B3GALT1: variants seen among roughly 807,000 people sequenced by gnomAD.
B3GALT1 encodes the protein UDP-Gal:betaGlcNAc beta 1,3-galactosyltransferase, polypeptide 1.
In B3GALT1, 10 loss-of-function variants were observed where a neutral mutation model predicts 23.2. That is an observed-to-expected ratio of 0.43 (90% CI 0.27 to 0.73). B3GALT1 has a LOEUF of 0.73. Ranked by LOEUF, B3GALT1 falls within the 30% of genes least tolerant of loss-of-function variation. The probability of loss-of-function intolerance (pLI) is 0.21; values close to 1 mark genes in which losing one functional copy is unlikely to be tolerated. For missense variants in B3GALT1, 299 were observed against 405.4 expected (o/e 0.74, Z 2.25); for synonymous variants, 156 against 141.5 (o/e 1.10, Z -0.73).
intron 3 of B3GALT1, among the ~76,000 whole-genome samples, chr2:167,668,042 A>G (rs1344991588): frequency 2.0e-5 from 3 of 151,966 alleles, no homozygotes; most frequent in African/African-American, 4.8e-5. Context: ...TAGAGTTTCC[A>G]GTTTTTCTGC....
intron 2 of B3GALT1, among the ~76,000 whole-genome samples, chr2:167,615,655 TAAA>T (rs201476994): frequency 1.3e-4 from 20 of 151,094 alleles, no homozygotes; most frequent in East Asian, 9.7e-4. Context: ...AATTAAAAAA[TAAA>T]AAAAAATTGA....
At chr2:167,658,405 A>T (rs186015580) in intron 3 of B3GALT1, among the ~76,000 whole-genome samples, 2 of 152,212 alleles carry the variant, frequency 1.3e-5, no homozygotes, top group Admixed American at 1.3e-4. Flanking sequence ...TTAGAAAATT[A>T]AAAGAGATTG....
chr2:167,665,027 C>T (rs916483588), intron 3 of B3GALT1, among the ~76,000 whole-genome samples: 1 of 151,844 alleles, frequency 6.6e-6, no homozygotes, highest in African/African-American at 2.4e-5. Context: ...GAGAGGGCAT[C>T]CCTGTCTTGT....
intron 2 of B3GALT1, among the ~76,000 whole-genome samples, chr2:167,564,836 A>G (rs1157510086): frequency 6.6e-6 from 1 of 152,220 alleles, no homozygotes; most frequent in East Asian, 1.9e-4. Flanking sequence ...ACTACAGACC[A>G]CTGCTCAATG....
chr2:167,293,235 G>C lies in B3GALT1; in HGVS notation c.-610G>C, dbSNP rs1301557069. The C allele has an allele frequency of 1.3e-5, 2 of 152,128 alleles. No individual in the cohort carries two copies. The highest frequency in any genetic ancestry group is 2.9e-5 in the Non-Finnish European group (2 of 68,020). The allele number at this position is 152,128 out of a possible 1,614,324, so 9.4% of individuals were successfully genotyped here. A position where few individuals can be genotyped will look rare whatever the true frequency, so the allele number is the denominator to read the frequency against. ...AGAAGTGATGCTGGCGCCGGGGATCGGGGCAGCGGCAGCGGAGCAGCAGCA... is the reference window on the plus strand; with the variant it reads ...AGAAGTGATGCTGGCGCCGGGGATCCGGGCAGCGGCAGCGGAGCAGCAGCA... On this transcript the variant is annotated 5_prime_UTR_variant, in exon 1 of 5. Transcript: ENST00000392690.
At chr2:167,635,637 A>G (rs113464883) in intron 2 of B3GALT1, among the ~76,000 whole-genome samples, 3 of 142,988 alleles carry the variant, frequency 2.1e-5, no homozygotes, top group African/African-American at 7.7e-5. Context: ...CAACTTAAAA[A>G]GGGATGTGAA....
At chr2:167,829,439 C>G (rs866639730) in intron 4 of B3GALT1, among the ~76,000 whole-genome samples, 27 of 150,670 alleles carry the variant, frequency 1.8e-4, no homozygotes, top group Middle Eastern at 3.4e-3. Context: ...GCCAAGATCA[C>G]GCCATTGCAC....
intron 3 of B3GALT1, among the ~76,000 whole-genome samples, chr2:167,751,144 G>C (rs922621498): frequency 1.6e-4 from 25 of 152,134 alleles, no homozygotes; most frequent in Non-Finnish European, 2.6e-4. Flanking sequence ...ATCATGGTTT[G>C]CTGACCCCTG....
At chr2:167,597,251 G>A (rs1278133240) in intron 2 of B3GALT1, among the ~76,000 whole-genome samples, 1 of 152,018 alleles carries the variant, frequency 6.6e-6, no homozygotes, top group African/African-American at 2.4e-5. Context: ...TAGTAGCTGG[G>A]ACTACAGGCG....
At chr2:167,580,477 C>T (rs1684463297) in intron 2 of B3GALT1, among the ~76,000 whole-genome samples, 3 of 152,018 alleles carry the variant, frequency 2.0e-5, no homozygotes, top group Non-Finnish European at 4.4e-5. Context: ...AAAACATCCC[C>T]CAGCCTTGGG....
chr2:167,624,925 C>G (rs564693669), intron 2 of B3GALT1, among the ~76,000 whole-genome samples: 28 of 152,086 alleles, frequency 1.8e-4, no homozygotes, highest in African/African-American at 6.5e-4. Flanking sequence ...TCAATTCTAA[C>G]TGATCAACTG....
At chr2:167,697,226 A>G (rs542532716) in intron 3 of B3GALT1, among the ~76,000 whole-genome samples, 1 of 152,330 alleles carries the variant, frequency 6.6e-6, no homozygotes, top group African/African-American at 2.4e-5. Flanking sequence ...TTTGAATACA[A>G]TCAGTGACGT....
chr2:167,824,430 G>A (rs1489513169), intron 4 of B3GALT1, among the ~76,000 whole-genome samples: 1 of 152,236 alleles, frequency 6.6e-6, no homozygotes, highest in Non-Finnish European at 1.5e-5. Context: ...CCCATAGCTT[G>A]AGTGGTGGTA....
intron 3 of B3GALT1, among the ~76,000 whole-genome samples, chr2:167,785,207 G>C (rs960256615): frequency 6.6e-6 from 1 of 152,194 alleles, no homozygotes; most frequent in Non-Finnish European, 1.5e-5. Context: ...TAAGCAAGGG[G>C]AGACTCAGAG....
intron 3 of B3GALT1, among the ~76,000 whole-genome samples, chr2:167,664,401 C>A (rs1328855791): frequency 6.6e-6 from 1 of 151,722 alleles, no homozygotes; most frequent in African/African-American, 2.4e-5. Context: ...AGCATGATGC[C>A]TCCAGCTTTG....
intron 3 of B3GALT1, among the ~76,000 whole-genome samples, chr2:167,789,113 C>T (rs1289434697): frequency 2.6e-5 from 4 of 152,166 alleles, no homozygotes; most frequent in African/African-American, 7.2e-5. Context: ...GCCATTAACT[C>T]GCATGTCACA....
intron 1 of B3GALT1, among the ~76,000 whole-genome samples, chr2:167,433,134 C>T (rs1021754535): frequency 2.6e-5 from 4 of 152,186 alleles, no homozygotes; most frequent in Admixed American, 6.5e-5. Context: ...AATGGCTTTA[C>T]GGCCTTGATA....
At chr2:167,560,512 A>G (rs1300572811) in intron 2 of B3GALT1, among the ~76,000 whole-genome samples, 6 of 152,258 alleles carry the variant, frequency 3.9e-5, no homozygotes, top group Non-Finnish European at 7.3e-5. Context: ...CAGACTGGCA[A>G]ATTGAATAAA....
At chr2:167,773,289 T>C (rs1170942776) in intron 3 of B3GALT1, among the ~76,000 whole-genome samples, 2 of 152,198 alleles carry the variant, frequency 1.3e-5, no homozygotes, top group African/African-American at 4.8e-5. Flanking sequence ...TGTGTATATA[T>C]GTATGTATAT....
Sources: gnomAD v4.1 joint callset for allele counts (sites outside exome capture counted in the v4.1 genomes callset) on GRCh38, gnomAD v4.1.1 for gene constraint, MANE v1.5 for transcripts, NCBI Gene and HGNC (gene_info 2026-07-23, HGNC 2026-07-21) for gene names.